Variants in PAK6 observed in about 807,000 individuals in gnomAD.
PAK6 encodes the protein serine/threonine-protein kinase PAK 6.
A neutral mutation model predicts 60.8 loss-of-function variants in PAK6; 33 were observed. The ratio of observed to expected loss-of-function variants is 0.54; its 90% confidence interval spans 0.41 to 0.73. The LOEUF (loss-of-function observed/expected upper bound fraction) is 0.73, where lower values mean the gene tolerates loss of function less well. PAK6 is among the 30% of genes least tolerant of loss of function. The pLI, the probability that PAK6 is intolerant of heterozygous loss-of-function variation, is 0.00. For synonymous variants in PAK6, 404 were observed against 378.5 expected (o/e 1.07, Z -0.78); for missense variants, 845 against 904.1 (o/e 0.93, Z 0.84).
intron 2 of PAK6, among the ~76,000 whole-genome samples, chr15:40,243,561 G>T (rs2140940364): frequency 6.6e-6 from 1 of 152,334 alleles, no homozygotes; most frequent in African/African-American, 2.4e-5. Flanking sequence ...ACTGGTGTCA[G>T]AGGAACAAAG....
intron 3 of PAK6, among the ~76,000 whole-genome samples, chr15:40,255,716 C>T (rs2038815575): frequency 6.6e-6 from 1 of 152,142 alleles, no homozygotes; most frequent in African/African-American, 2.4e-5. Flanking sequence ...TGAGGTGAGA[C>T]AGAGTTCAGC....
intron 10 of PAK6, among the ~76,000 whole-genome samples, chr15:40,274,728 A>G (rs1193188071): frequency 6.6e-6 from 1 of 152,178 alleles, no homozygotes; most frequent in Non-Finnish European, 1.5e-5. Flanking sequence ...ATCGTTGCAC[A>G]CCCCGACACA....
chr15:40,273,900 A>G, intron 9 of PAK6: 3 of 671,252 alleles, frequency 4.5e-6, no homozygotes, highest in Admixed American at 2.9e-5. Flanking sequence ...AGAATGGGGT[A>G]TGGCCGGGCC....
In PAK6 at chr15:40,257,288, C is replaced by T. The variant is rs191678344; in HGVS notation, c.-6+3999C>T. Among the ~76,000 whole-genome samples, 465 of 152,390 alleles carry T rather than the reference C, an allele frequency of 3.1e-3. 2 individuals are homozygous for T. Among genetic ancestry groups the T allele is most frequent in the African/African-American group, 0.011 (440 of 41,594 alleles). On this transcript the variant is annotated intron_variant, in intron 3 of 10. Transcript: ENST00000560346. ...CCCAGCGCTTACACAGCCAGCCCAA[C>T]GCTGACCCCTCCGGGTGGCTGCAAA...
chr15:40,241,281 C>T (rs959926019), intron 2 of PAK6, among the ~76,000 whole-genome samples: 1 of 152,160 alleles, frequency 6.6e-6, no homozygotes, highest in African/African-American at 2.4e-5. Flanking sequence ...GCAAGGCTAA[C>T]GTCTTGTGGT....
intron 5 of PAK6, among the ~76,000 whole-genome samples, chr15:40,271,780 C>T (rs1258589754): frequency 3.3e-5 from 5 of 152,242 alleles, no homozygotes; most frequent in Admixed American, 1.3e-4. Context: ...CTCTTCTGCC[C>T]CCATGGGTCC....
At chr15:40,266,422 G>A (rs61739745) in exon 5 of PAK6, 21,561 of 1,613,196 alleles carry the variant, frequency 0.013, 232 homozygotes, top group Middle Eastern at 0.034. Context: ...AGGCTATTCC[G>A]AAGCATGTTC....
chr15:40,265,945 G>A (rs752441056), exon 5 of PAK6: 69 of 1,605,982 alleles, frequency 4.3e-5, no homozygotes, highest in East Asian at 1.1e-4. Flanking sequence ...CTGCGTGGCC[G>A]CAGCCCCACC....
chr15:40,273,095 G>C (rs866637085), intron 7 of PAK6, 96 bp downstream of exon 7: 7 of 1,480,776 alleles, frequency 4.7e-6, no homozygotes, highest in Middle Eastern at 2.4e-4. Flanking sequence ...CAGAAGACTT[G>C]GGATGCCTGG....
chr15:40,273,732 T>TC, intron 9 of PAK6, 56 bp downstream of exon 9: 5 of 1,594,458 alleles, frequency 3.1e-6, no homozygotes, highest in Non-Finnish European at 4.3e-6. Flanking sequence ...AACTGGCAGC[T>TC]CTTCTGCTGT....
At chr15:40,267,424 A>C (rs1349406028) in intron 5 of PAK6, among the ~76,000 whole-genome samples, 1 of 152,186 alleles carries the variant, frequency 6.6e-6, no homozygotes, top group Non-Finnish European at 1.5e-5. Flanking sequence ...TTGGGAGGCC[A>C]AGGTGGATGG....
chr15:40,242,691 G>T (rs1165664072), intron 2 of PAK6, among the ~76,000 whole-genome samples: 2 of 152,196 alleles, frequency 1.3e-5, no homozygotes, highest in Non-Finnish European at 2.9e-5. Context: ...CTGGGCCTGG[G>T]AAGTTGTCCC....
At chr15:40,246,858 A>C (rs879767969) in intron 2 of PAK6, 9 of 152,326 alleles carry the variant, frequency 5.9e-5, no homozygotes, top group Admixed American at 2.6e-4. Flanking sequence ...GCACATGCAG[A>C]GGTCCACAGA....
exon 11 of PAK6, chr15:40,276,652 G>T (rs887205288): frequency 6.5e-6 from 1 of 153,024 alleles, no homozygotes; most frequent in African/African-American, 2.4e-5. Context: ...TCCAGGCCAT[G>T]GCTGGGGGCA....
intron 2 of PAK6, chr15:40,245,013 C>T (rs1186149302): frequency 6.6e-6 from 1 of 152,256 alleles, no homozygotes; most frequent in Non-Finnish European, 1.5e-5. Context: ...CCGTGGCAAC[C>T]TATTCCCCAA....
chr15:40,275,127 C>G (rs4924442), intron 10 of PAK6, among the ~76,000 whole-genome samples: 4,727 of 152,196 alleles, frequency 0.031, 98 homozygotes, highest in Non-Finnish European at 0.046. Context: ...AGCCTCATCC[C>G]AAGATACTGG....
intron 3 of PAK6, among the ~76,000 whole-genome samples, chr15:40,256,453 C>A (rs1027171400): frequency 6.6e-6 from 1 of 152,180 alleles, no homozygotes; most frequent in Admixed American, 6.5e-5. Context: ...ATGTCAGGGC[C>A]CAGCCCTGGA....
At chr15:40,267,600 C>A (rs566559962) in intron 5 of PAK6, among the ~76,000 whole-genome samples, 12 of 152,038 alleles carry the variant, frequency 7.9e-5, no homozygotes, top group South Asian at 2.1e-4. Context: ...CAGAGCTTGC[C>A]GTGAGCTGAG....
At chr15:40,241,795 C>T (rs1021111752) in intron 2 of PAK6, among the ~76,000 whole-genome samples, 6 of 152,328 alleles carry the variant, frequency 3.9e-5, no homozygotes, top group East Asian at 1.9e-4. Flanking sequence ...AAGGAAAGCC[C>T]GCTCTGTGCA....
Sources: gnomAD v4.1 joint callset for allele counts (sites outside exome capture counted in the v4.1 genomes callset) on GRCh38, gnomAD v4.1.1 for gene constraint, MANE v1.5 for transcripts, NCBI Gene and HGNC (gene_info 2026-07-23, HGNC 2026-07-21) for gene names.